The following FRMPD4 variants were observed in gnomAD, a reference collection of about 807,000 sequenced individuals.
FRMPD4 encodes the protein FERM and PDZ domain-containing protein 4.
Under a neutral mutation model 94.1 loss-of-function variants are expected in FRMPD4, and 22 were observed. The ratio of observed to expected loss-of-function variants is 0.23; its 90% CI spans 0.17 to 0.33. The LOEUF is 0.33. Ranked by LOEUF, FRMPD4 falls within the 10% of genes least tolerant of loss-of-function variation. The pLI, the probability that FRMPD4 is intolerant of heterozygous loss-of-function variation, is 1.00. For missense variants in FRMPD4, 1,111 were observed against 1,339.9 expected (o/e 0.83, Z 2.67); for synonymous variants, 631 against 548.6 (o/e 1.15, Z -2.10).
chrX:12,341,683 C>G, intron 1 of FRMPD4: 1 of 321,004 alleles, frequency 3.1e-6, no homozygotes, highest in Non-Finnish European at 6.0e-6. Flanking sequence ...AAACCTTGAG[C>G]TCTTAATATT....
At chrX:12,304,970 G>A (rs756817361) in intron 1 of FRMPD4, among the ~76,000 whole-genome samples, 2 of 111,710 alleles carry the variant, frequency 1.8e-5, no homozygotes, top group Admixed American at 9.5e-5. Context: ...GCAGCCCGCC[G>A]CAAGATTAGG....
intron 1 of FRMPD4, among the ~76,000 whole-genome samples, chrX:12,270,563 A>G (rs1340624610): frequency 8.9e-6 from 1 of 112,109 alleles, no homozygotes; most frequent in African/African-American, 3.2e-5. Flanking sequence ...CTTCAATTTC[A>G]GAAATATACA....
intron 1 of FRMPD4, among the ~76,000 whole-genome samples, chrX:12,470,178 C>T (rs1208809803): frequency 8.9e-6 from 1 of 112,046 alleles, no homozygotes; most frequent in Non-Finnish European, 1.9e-5. Context: ...ATAAAGCCCT[C>T]TTCAGAGTTT....
At chrX:12,095,071 T>C (rs778037055) in intron 3 of FRMPD4, among the ~76,000 whole-genome samples, 14 of 111,203 alleles carry the variant, frequency 1.3e-4, no homozygotes, top group South Asian at 1.1e-3. Flanking sequence ...CTAAGAATTG[T>C]TGAGAAAAGG....
intron 1 of FRMPD4, among the ~76,000 whole-genome samples, chrX:12,365,864 G>A (rs2056066920): frequency 8.9e-6 from 1 of 112,047 alleles, no homozygotes; most frequent in Admixed American, 9.4e-5. Context: ...ATTTTCTACT[G>A]TATTTTCTGC....
intron 2 of FRMPD4, among the ~76,000 whole-genome samples, chrX:12,596,371 C>T (rs995934603): frequency 8.9e-6 from 1 of 111,836 alleles, no homozygotes; most frequent in African/African-American, 3.3e-5. Context: ...AAGGAAATAG[C>T]ATCAAAATTG....
Position 12,723,333 on chromosome X carries a change from G to T in FRMPD4, c.*1475G>T, listed in dbSNP as rs749611217. ...AGGTGGCTCCTTAAGAACATGATGG[G>T]AGTACACCAGGTGCAAATATTTCTA... On this transcript the variant is annotated 3_prime_UTR_variant, in exon 17 of 17. Coordinates refer to ENST00000675598, the MANE Select transcript of FRMPD4 (RefSeq NM_001368397.1). 9.0e-6 allele frequency: 1 copy of T among 110,908 alleles called. No homozygotes were observed. The highest frequency in any genetic ancestry group is 2.8e-4 in the East Asian group (1 of 3,564). The allele number at this position is 110,908 out of a possible 1,213,427, so 9.1% of individuals were successfully genotyped here.
chrX:12,100,223 G>A (rs2055243152), intron 3 of FRMPD4, among the ~76,000 whole-genome samples: 2 of 112,023 alleles, frequency 1.8e-5, no homozygotes, highest in African/African-American at 6.5e-5. Context: ...GAAAATATTA[G>A]TGCCTACTCC....
intron 1 of FRMPD4, among the ~76,000 whole-genome samples, chrX:12,264,766 A>G: frequency 8.9e-6 from 1 of 112,445 alleles, no homozygotes; most frequent in Non-Finnish European, 1.9e-5. Flanking sequence ...TCCTTTACTA[A>G]TTTTCAAATG....
chrX:12,497,795 G>A lies in FRMPD4; in HGVS notation c.42-885G>A, dbSNP rs376691760. Among the ~76,000 whole-genome samples the A allele has an allele frequency of 2.7e-5, 3 of 111,390 alleles. No individual in the cohort carries two copies. In the East Asian group the frequency reaches 8.5e-4, roughly 32 times the overall value. ...TTGTTTCACTTGAGAGGTGTTGGAA[G>A]GGCTGGGCTGGGGAGGGATGAGTTG... On this transcript the variant is annotated intron_variant, in intron 1 of 16. Coordinates refer to ENST00000675598, the MANE Select transcript of FRMPD4 (RefSeq NM_001368397.1).
At chrX:12,367,727 A>C (rs1045294231) in intron 1 of FRMPD4, among the ~76,000 whole-genome samples, 4 of 111,818 alleles carry the variant, frequency 3.6e-5, no homozygotes, top group African/African-American at 1.3e-4. Flanking sequence ...TAGACATGGA[A>C]GGTGAAGGAG....
At chrX:12,343,204 G>A (rs184432237) in intron 1 of FRMPD4, among the ~76,000 whole-genome samples, 30 of 112,076 alleles carry the variant, frequency 2.7e-4, no homozygotes, top group African/African-American at 9.7e-4. Context: ...GGTAGGGATG[G>A]GATTTGGAAG....
chrX:12,532,454 G>C (rs765107505), intron 2 of FRMPD4, among the ~76,000 whole-genome samples: 1 of 111,811 alleles, frequency 8.9e-6, no homozygotes, highest in Non-Finnish European at 1.9e-5. Context: ...ACCTCTGACT[G>C]TAAGTGAGCA....
intron 3 of FRMPD4, among the ~76,000 whole-genome samples, chrX:12,027,887 T>C: frequency 8.9e-6 from 1 of 112,343 alleles, no homozygotes; most frequent in Middle Eastern, 4.6e-3. Context: ...GCTCATATCT[T>C]TGAAGTTCCT....
chrX:12,334,050 A>T (rs1199045840), intron 1 of FRMPD4, among the ~76,000 whole-genome samples: 1 of 111,645 alleles, frequency 9.0e-6, no homozygotes, highest in Non-Finnish European at 1.9e-5. Flanking sequence ...CTTTTTCTGT[A>T]CTGTGCAGTC....
At chrX:12,016,890 A>G (rs1007103372) in intron 3 of FRMPD4, among the ~76,000 whole-genome samples, 4 of 111,876 alleles carry the variant, frequency 3.6e-5, no homozygotes, top group Non-Finnish European at 7.5e-5. Context: ...CAAAGCCTCT[A>G]TTGGAAGCAA....
intron 1 of FRMPD4, among the ~76,000 whole-genome samples, chrX:12,451,908 T>C (rs774087335): frequency 9.0e-6 from 1 of 111,330 alleles, no homozygotes; most frequent in South Asian, 3.8e-4. Flanking sequence ...CTTTTATCTC[T>C]AGCAGCTCTA....
chrX:12,723,658 T>C lies in FRMPD4; in HGVS notation c.*1800T>C, dbSNP rs535992529. 1 of 111,935 alleles carries C rather than the reference T, an allele frequency of 8.9e-6. No homozygotes were observed. Among genetic ancestry groups the C allele is most frequent in the African/African-American group, 3.2e-5 (1 of 30,820 alleles). 9.2% of individuals were successfully genotyped at this position (111,935 alleles called of 1,213,427 possible). On this transcript the variant is annotated 3_prime_UTR_variant, in exon 17 of 17. Coordinates refer to ENST00000675598, the MANE Select transcript of FRMPD4 (RefSeq NM_001368397.1). The stretch of plus-strand genomic sequence containing the variant: ...CTAAAATCCTAACCTATTAATAGGA[T>C]GTGTGCCCTATGTCAGACAGTGTGC...
intron 3 of FRMPD4, among the ~76,000 whole-genome samples, chrX:11,921,284 G>A (rs1003001048): frequency 6.2e-5 from 7 of 112,042 alleles, no homozygotes; most frequent in South Asian, 3.8e-4. Context: ...TCAGGTGGCC[G>A]CCTTCTTGCT....
Sources: gnomAD v4.1 joint callset for allele counts (sites outside exome capture counted in the v4.1 genomes callset) on GRCh38, gnomAD v4.1.1 for gene constraint, MANE v1.5 for transcripts, NCBI Gene and HGNC (gene_info 2026-07-23, HGNC 2026-07-21) for gene names.